TEX15: variants seen among roughly 807,000 people sequenced by gnomAD.
TEX15 encodes the protein testis-expressed protein 15.
A neutral mutation model predicts 237.3 loss-of-function variants in TEX15; 171 were observed. The ratio of observed to expected loss-of-function variants is 0.72; its 90% confidence interval spans 0.64 to 0.82. TEX15 has a LOEUF of 0.82. TEX15 is among the 40% of genes least tolerant of loss of function. TEX15 has a pLI of 0.00. For missense variants in TEX15, 3,750 were observed against 3,646.5 expected, an observed-to-expected ratio of 1.03 and a Z score of -0.73; for synonymous variants, 1,338 against 1,269.8, an observed-to-expected ratio of 1.05 and a Z score of -1.14.
At chr8:30,840,832 T>C (rs1367432113) in intron 8 of TEX15, among the ~76,000 whole-genome samples, 1 of 152,188 alleles carries the variant, frequency 6.6e-6, no homozygotes, top group Non-Finnish European at 1.5e-5. Context: ...TAATTTAAGA[T>C]ATTCCATAAT....
chr8:30,837,670 G>A lies in TEX15; in HGVS notation c.8614C>T (p.Gln2872Ter), dbSNP rs1468878672. Reference sequence around the variant, plus strand: ...TTTATATCAGAAAGGCAGGATTTTTGGGTGGGATCTGGGGAATTTTTAAGA... The same window carrying A: ...TTTATATCAGAAAGGCAGGATTTTTAGGTGGGATCTGGGGAATTTTTAAGA... ...KFLKNSPDPT[Q>*]KSCLSDINPE... The change falls in exon 10 of 11, where the codon CAA becomes TAA. Residue 2872 changes from glutamine to a stop codon, truncating the protein, a stop_gained. Coordinates refer to ENST00000643185, the MANE Select transcript of TEX15 (RefSeq NM_001350162.2). LOFTEE classifies it high-confidence loss of function. 6.2e-7 allele frequency: 1 copy of A among 1,613,876 alleles called. No homozygotes were observed. Among genetic ancestry groups the A allele is most frequent in the Non-Finnish European group, 8.5e-7 (1 of 1,179,984 alleles).
At position 30,846,604 on chromosome 8, in the gene TEX15, G is replaced by A. The variant is rs117788795; in HGVS notation, c.3563C>T (p.Ala1188Val). The A allele has an allele frequency of 4.5e-3, 7,319 of 1,613,778 alleles. 19 individuals carry two copies. The highest frequency in any genetic ancestry group is 5.2e-3 in the Non-Finnish European group (6,097 of 1,179,788). The change falls in exon 8 of 11, where the codon GCC becomes GTC. Residue 1188 changes from alanine (A) to valine (V), a missense_variant. Coordinates refer to ENST00000643185, the MANE Select transcript of TEX15 (RefSeq NM_001350162.2). Reference sequence around the variant, plus strand: ...TTCCTTATTTATTTCCGGTTTTGTGGCTTCAGTTACATGTGTGCAAAAACT... The same window carrying A: ...TTCCTTATTTATTTCCGGTTTTGTGACTTCAGTTACATGTGTGCAAAAACT... ...KDSFCTHVTE[A>V]TKPEINKEDG...
chr8:30,910,653 T>A (rs1455002611), intron 1 of TEX15, among the ~76,000 whole-genome samples: 1 of 148,556 alleles, frequency 6.7e-6, no homozygotes, highest in African/African-American at 2.5e-5. Context: ...GGGGACTATG[T>A]TGCCCCAGGC....
Position 30,846,448 on chromosome 8 carries a change from G to A in TEX15, c.3719C>T (p.Ser1240Phe), listed in dbSNP as rs1807612098. Residue 1240 changes from serine (S) to phenylalanine (F), a missense_variant, in exon 8 of 11, where the codon TCT becomes TTT. By Grantham distance (155) the Ser-to-Phe change is radical. Transcript: ENST00000643185. ...ATCTGTATTACGACTCAAGTCAAAA[G>A]AAAGGGAGATTTCAGAGTTACTCAC... ...GPVSNSEISLSFDLSRNTDVN... is the reference protein window; with the variant it reads ...GPVSNSEISLFFDLSRNTDVN... 6.2e-7 allele frequency: 1 copy of A among 1,613,114 alleles called. No homozygotes were observed. Among genetic ancestry groups the A allele is most frequent in the South Asian group, 1.1e-5 (1 of 91,058 alleles).
Position 30,847,344 on chromosome 8 carries a change from ACT to A in TEX15, c.2821_2822del (p.Ser941Ter). 1 of 1,613,654 alleles carries A rather than the reference ACT, an allele frequency of 6.2e-7. No individual in the cohort carries two copies. Among genetic ancestry groups the A allele is most frequent in the Non-Finnish European group, 8.5e-7 (1 of 1,179,864 alleles). On this transcript the variant is annotated frameshift_variant, in exon 8 of 11. Transcript: ENST00000643185. LOFTEE classifies it high-confidence loss of function. ...TCACGGCACTAATGGTATCTTCTTCACTCTCTAATAATGCAGTTGCTGCTGAC... is the reference window on the plus strand; with the variant it reads ...TCACGGCACTAATGGTATCTTCTTCACTCTAATAATGCAGTTGCTGCTGAC... ...AVSAATALLE[S>X]EEDTISAVKQ...
At chr8:30,897,466 T>C (rs1441601225) in intron 2 of TEX15, among the ~76,000 whole-genome samples, 1 of 152,210 alleles carries the variant, frequency 6.6e-6, no homozygotes. Flanking sequence ...GCCTAGAGTA[T>C]TTCCTTCCAT....
At chr8:30,890,110 C>T (rs1394002737) in intron 2 of TEX15, among the ~76,000 whole-genome samples, 1 of 150,876 alleles carries the variant, frequency 6.6e-6, no homozygotes, top group Non-Finnish European at 1.5e-5. Flanking sequence ...ATACCATGTA[C>T]TTCATAGTAC....
At chr8:30,835,197 C>T (rs1409879820) in intron 10 of TEX15, among the ~76,000 whole-genome samples, 4 of 151,876 alleles carry the variant, frequency 2.6e-5, no homozygotes, top group South Asian at 2.1e-4. Context: ...CTCTGCCTCC[C>T]GGGTTCAAGT....
At chr8:30,880,940 TC>T (rs1019729319) in intron 3 of TEX15, among the ~76,000 whole-genome samples, 5 of 152,146 alleles carry the variant, frequency 3.3e-5, no homozygotes, top group African/African-American at 1.2e-4. Flanking sequence ...TTTTTAAGAT[TC>T]CTTAGGATTT....
chr8:30,891,562 C>G (rs1218258777), intron 2 of TEX15, among the ~76,000 whole-genome samples: 1 of 151,948 alleles, frequency 6.6e-6, no homozygotes, highest in Non-Finnish European at 1.5e-5. Flanking sequence ...ACACTGCAAC[C>G]TCTGTCTCCT....
intron 3 of TEX15, among the ~76,000 whole-genome samples, chr8:30,878,478 GGTTCAAGT>G (rs559622566): frequency 6.6e-6 from 1 of 152,032 alleles, no homozygotes; most frequent in Non-Finnish European, 1.5e-5. Context: ...CTGCCTCTCG[GGTTCAAGT>G]GATTCTCCTG....
intron 7 of TEX15, among the ~76,000 whole-genome samples, chr8:30,855,075 T>G (rs1385336043): frequency 6.6e-6 from 1 of 152,154 alleles, no homozygotes; most frequent in Non-Finnish European, 1.5e-5. Flanking sequence ...CAAAGATGTC[T>G]GCTCTTGCCA....
At position 30,843,917 on chromosome 8, in the gene TEX15, G is replaced by T; in HGVS notation, c.6250C>A (p.Gln2084Lys). The T allele has an allele frequency of 1.9e-6, 3 of 1,612,754 alleles. No homozygotes were observed. In the South Asian group the frequency reaches 3.3e-5, roughly 18 times the overall value. ...VELQMMMETI[Q>K]FIENKKRHLE... ...TGCCTTTTTTTGTTTTCAATGAATT[G>T]AATTGTTTCCATCATCATTTGAAGT... The change falls in exon 8 of 11, where the codon CAA (glutamine) becomes AAA (lysine). Residue 2084 changes from glutamine to lysine, a missense_variant. By Grantham distance (53) the Gln-to-Lys change is moderately conservative (BLOSUM62 1). Coordinates refer to ENST00000643185, the MANE Select transcript of TEX15 (RefSeq NM_001350162.2).
Position 30,847,783 on chromosome 8 carries a change from G to C in TEX15, c.2384C>G (p.Ser795Ter). 2 of 1,613,582 alleles carry C rather than the reference G, an allele frequency of 1.2e-6. No individual in the cohort carries two copies. Among genetic ancestry groups the C allele is most frequent in the Non-Finnish European group, 1.7e-6 (2 of 1,179,914 alleles). ...SYNIETAHDS[S>*]NCSITREHIC... ...ATGTTCTCTAGTTATGCTGCAATTTGAACTGTCATGAGCTGTTTCTATGTT... is the reference window on the plus strand; with the variant it reads ...ATGTTCTCTAGTTATGCTGCAATTTCAACTGTCATGAGCTGTTTCTATGTT... Residue 795 changes from serine to a stop codon, truncating the protein, a stop_gained, in exon 8 of 11, where the codon TCA (serine) becomes TGA (stop). Coordinates refer to ENST00000643185, the MANE Select transcript of TEX15 (RefSeq NM_001350162.2). LOFTEE classifies it high-confidence loss of function.
At chr8:30,874,314 G>C (rs1808356791) in intron 4 of TEX15, among the ~76,000 whole-genome samples, 1 of 152,138 alleles carries the variant, frequency 6.6e-6, no homozygotes, top group Non-Finnish European at 1.5e-5. Flanking sequence ...AGACAAGTTA[G>C]AAGAAAATAT....
intron 7 of TEX15, among the ~76,000 whole-genome samples, chr8:30,851,812 T>C (rs543483297): frequency 1.8e-4 from 28 of 152,086 alleles, no homozygotes; most frequent in Non-Finnish European, 3.5e-4. Context: ...ACATTGCCTG[T>C]AGTCCCAGTT....
chr8:30,899,763 T>C (rs374528524), intron 1 of TEX15, among the ~76,000 whole-genome samples: 2 of 152,152 alleles, frequency 1.3e-5, no homozygotes, highest in Non-Finnish European at 2.9e-5. Context: ...TATTTCTTTC[T>C]AGAGGCATTT....
intron 2 of TEX15, among the ~76,000 whole-genome samples, chr8:30,890,810 A>T (rs1332494209): frequency 6.6e-6 from 1 of 152,154 alleles, no homozygotes; most frequent in Non-Finnish European, 1.5e-5. Context: ...TTGGTAAATA[A>T]AAATAGAACT....
rs754955961 is a variant in TEX15, at chr8:30,847,437, T to C, written c.2730A>G (p.Ile910Met). ...AAAATTCTTCAGAACTCAAAATTTC[T>C]ATATTGTGGTAATTTTTGTCCTCCT... ...DEKEDKNYHN[I>M]EILSSEEFST... The change falls in exon 8 of 11, where the codon ATA becomes ATG. Residue 910 changes from isoleucine to methionine, a missense_variant. Physicochemically the swap from Ile to Met is conservative, Grantham distance 10. Transcript: ENST00000643185. The C allele has an allele frequency of 7.4e-6, 12 of 1,611,232 alleles. No homozygotes were observed. Among genetic ancestry groups the C allele is most frequent in the Middle Eastern group, 3.3e-4 (2 of 6,080 alleles).
Sources: allele counts gnomAD v4.1 joint callset (sites outside exome capture counted in the v4.1 genomes callset), GRCh38; gene constraint gnomAD v4.1.1; transcripts MANE v1.5; gene names NCBI Gene and HGNC (gene_info 2026-07-23, HGNC 2026-07-21).